The following TRIM44 variants were observed in gnomAD, a reference collection of about 807,000 sequenced individuals.
TRIM44 encodes tripartite motif containing 44.
Under a neutral mutation model 37.4 loss-of-function variants are expected in TRIM44, and 13 were observed. The observed-to-expected ratio is 0.35, with a 90% CI of 0.23 to 0.55. The LOEUF is 0.55. TRIM44 is among the 20% of genes least tolerant of loss of function. TRIM44 has a pLI of 0.89. For missense variants in TRIM44, 426 were observed against 437.2 expected (o/e 0.97, Z 0.23); for synonymous variants, 175 against 157.2 (o/e 1.11, Z -0.85).
At chr11:35,672,700 ATT>A (rs1183915922) in intron 1 of TRIM44, among the ~76,000 whole-genome samples, 1 of 152,182 alleles carries the variant, frequency 6.6e-6, no homozygotes, top group Non-Finnish European at 1.5e-5. Context: ...GCCGTAGTAT[ATT>A]CCATAGTGGT....
chr11:35,795,649 CA>C (rs530889565), intron 4 of TRIM44, among the ~76,000 whole-genome samples: 9 of 152,236 alleles, frequency 5.9e-5, no homozygotes, highest in Admixed American at 4.6e-4. Context: ...GGAATGACAG[CA>C]TGGTGCCTAG....
intron 1 of TRIM44, among the ~76,000 whole-genome samples, chr11:35,680,607 G>T (rs1851511474): frequency 6.6e-6 from 1 of 152,072 alleles, no homozygotes; most frequent in Admixed American, 6.5e-5. Context: ...CAGATTTTTA[G>T]TATTACAAAC....
intron 4 of TRIM44, among the ~76,000 whole-genome samples, chr11:35,778,025 C>G (rs1042064198): frequency 5.9e-5 from 9 of 152,194 alleles, no homozygotes; most frequent in Non-Finnish European, 1.3e-4. Flanking sequence ...TGGGGAAGTT[C>G]TCCTGGATAA....
intron 4 of TRIM44, among the ~76,000 whole-genome samples, chr11:35,764,402 G>T (rs1040407171): frequency 6.6e-5 from 10 of 152,114 alleles, no homozygotes; most frequent in African/African-American, 2.4e-4. Context: ...CTGGGATTTA[G>T]ATAACATTAA....
intron 4 of TRIM44, among the ~76,000 whole-genome samples, chr11:35,735,901 G>A (rs1256176333): frequency 6.6e-6 from 1 of 151,680 alleles, no homozygotes; most frequent in Non-Finnish European, 1.5e-5. Flanking sequence ...GAATCCTAGG[G>A]TACAGGTATA....
chr11:35,738,398 C>G (rs1217826767), intron 4 of TRIM44, among the ~76,000 whole-genome samples: 1 of 152,164 alleles, frequency 6.6e-6, no homozygotes, highest in Non-Finnish European at 1.5e-5. Context: ...CTCCCTTGAG[C>G]CAGGCTGCTA....
rs1181790961 is a variant in TRIM44, at chr11:35,817,639, T to C, written c.*11254T>C. 6.6e-6 allele frequency: 1 copy of C among 152,194 alleles called. No individual in the cohort carries two copies. Among genetic ancestry groups the C allele is most frequent in the Admixed American group, 6.5e-5 (1 of 15,268 alleles). 9.4% of individuals were successfully genotyped at this position (152,194 alleles called of 1,614,324 possible). ...TCATGGAGACTAGTACTGCTCCAAA[T>C]GTGCACAAGCCATGTGATATGGTTT... On this transcript the variant is annotated 3_prime_UTR_variant, in exon 5 of 5. Coordinates refer to ENST00000299413, the MANE Select transcript of TRIM44 (RefSeq NM_017583.6).
rs966599546 is a variant in TRIM44 at position 35,729,891 on chromosome 11, C to T, written c.987+3728C>T. On this transcript the variant is annotated intron_variant, in intron 3 of 4. Coordinates refer to ENST00000299413, the MANE Select transcript of TRIM44 (RefSeq NM_017583.6). ...TTCTGTAAGCCCGAGGCAAGAGGAT[C>T]GTTTGAACCCAGGAGGTTGAGGCTG... Among the ~76,000 whole-genome samples, 22 of 152,286 alleles carry T rather than the reference C, an allele frequency of 1.4e-4. No homozygotes were observed. The East Asian group carries it at 2.9e-3, about 20-fold the overall frequency.
At chr11:35,715,218 C>T (rs953448036) in intron 2 of TRIM44, among the ~76,000 whole-genome samples, 2 of 152,106 alleles carry the variant, frequency 1.3e-5, no homozygotes, top group African/African-American at 4.8e-5. Context: ...GGATGCTTGG[C>T]GGCGATGCCA....
chr11:35,697,967 C>T lies in TRIM44; in HGVS notation c.747+12631C>T, dbSNP rs575926079. Among the ~76,000 whole-genome samples, 49 of 150,178 alleles carry T rather than the reference C, an allele frequency of 3.3e-4. 1 individual carries two copies. Among genetic ancestry groups the T allele is most frequent in the African/African-American group, 1.1e-3 (43 of 40,780 alleles). On this transcript the variant is annotated intron_variant, in intron 2 of 4. Coordinates refer to ENST00000299413, the MANE Select transcript of TRIM44 (RefSeq NM_017583.6). ...GATTTATAGTCCTTTGGGTATATAC[C>T]CAGTAATGGGATGGCTGGGTCAAAT... is the stretch of plus-strand genomic sequence containing the variant.
intron 4 of TRIM44, among the ~76,000 whole-genome samples, chr11:35,802,818 G>A (rs1395225640): frequency 6.6e-6 from 1 of 152,110 alleles, no homozygotes; most frequent in Non-Finnish European, 1.5e-5. Context: ...TTAGGTCTGG[G>A]TTGTCATTTA....
At chr11:35,727,748 G>A (rs772475935) in intron 3 of TRIM44, among the ~76,000 whole-genome samples, 1 of 152,188 alleles carries the variant, frequency 6.6e-6, no homozygotes, top group Non-Finnish European at 1.5e-5. Context: ...TAGAGCCAGG[G>A]TTTAGATTTA....
In TRIM44 at chr11:35,675,720, C is replaced by T. The variant is rs143755405; in HGVS notation, c.670-9539C>T. 8.3e-3 allele frequency among the ~76,000 whole-genome samples: 1,259 copies of T among 152,226 alleles called. 15 individuals are homozygous for T. Among genetic ancestry groups the T allele is most frequent in the African/African-American group, 0.028 (1,170 of 41,528 alleles). On this transcript the variant is annotated intron_variant, in intron 1 of 4. Coordinates refer to ENST00000299413, the MANE Select transcript of TRIM44 (RefSeq NM_017583.6). The stretch of plus-strand genomic sequence containing the variant: ...TATTTTTAGTAGAGACGGGGTTTCA[C>T]TATTTTGGCCAGGATGGTCTCGATC...
At chr11:35,800,094 C>T (rs1200703747) in intron 4 of TRIM44, among the ~76,000 whole-genome samples, 2 of 152,124 alleles carry the variant, frequency 1.3e-5, no homozygotes, top group African/African-American at 4.8e-5. Context: ...CGCGGACCTT[C>T]GCGGTGAGTG....
intron 2 of TRIM44, among the ~76,000 whole-genome samples, chr11:35,714,810 A>G (rs1349799075): frequency 1.3e-5 from 2 of 152,200 alleles, no homozygotes; most frequent in Admixed American, 1.3e-4. Context: ...TTCCCGAAGC[A>G]GAAGTTGTCT....
intron 2 of TRIM44, among the ~76,000 whole-genome samples, chr11:35,698,507 A>C: frequency 1.5e-5 from 1 of 65,384 alleles, no homozygotes. Context: ...ATAGTATCTC[A>C]TTGTGGTTTT....
chr11:35,795,361 G>A (rs1010670485), intron 4 of TRIM44, among the ~76,000 whole-genome samples: 2 of 152,064 alleles, frequency 1.3e-5, no homozygotes, highest in African/African-American at 2.4e-5. Flanking sequence ...AAGATTAGAA[G>A]TAGGAAGACT....
intron 4 of TRIM44, among the ~76,000 whole-genome samples, chr11:35,805,597 T>C (rs1853436570): frequency 6.6e-6 from 1 of 152,198 alleles, no homozygotes; most frequent in South Asian, 2.1e-4. Context: ...CTCCCTCCCT[T>C]TCTTCCTGTT....
intron 4 of TRIM44, among the ~76,000 whole-genome samples, chr11:35,765,451 G>A (rs190037053): frequency 1.4e-3 from 207 of 152,272 alleles, no homozygotes; most frequent in Non-Finnish European, 2.3e-3. Context: ...GACTCATTCC[G>A]ACCAGTGACT....
Sources: allele counts gnomAD v4.1 joint callset (sites outside exome capture counted in the v4.1 genomes callset), GRCh38; gene constraint gnomAD v4.1.1; transcripts MANE v1.5; gene names NCBI Gene and HGNC (gene_info 2026-07-23, HGNC 2026-07-21).